STARD3NL: variants seen among roughly 807,000 people sequenced by gnomAD.
STARD3NL encodes STARD3 N-terminal-like protein.
A neutral mutation model predicts 30.9 loss-of-function variants in STARD3NL; 17 were observed. The ratio of observed to expected loss-of-function variants is 0.55; its 90% CI spans 0.38 to 0.82. STARD3NL has a LOEUF of 0.82. STARD3NL is among the 40% of genes least tolerant of loss of function. The pLI, the probability that STARD3NL is intolerant of heterozygous loss-of-function variation, is 0.00. For synonymous variants in STARD3NL, 112 were observed against 100.5 expected, an observed-to-expected ratio of 1.11 and a Z score of -0.69; for missense variants, 234 against 277.6, an observed-to-expected ratio of 0.84 and a Z score of 1.12.
At chr7:38,211,752 C>A (rs1395468859) in intron 2 of STARD3NL, among the ~76,000 whole-genome samples, 1 of 152,094 alleles carries the variant, frequency 6.6e-6, no homozygotes, top group Admixed American at 6.6e-5. Context: ...CATGTTTCCC[C>A]CAATGCATAC....
chr7:38,210,417 C>G (rs534454158), intron 2 of STARD3NL, among the ~76,000 whole-genome samples: 2 of 152,140 alleles, frequency 1.3e-5, no homozygotes, highest in Non-Finnish European at 2.9e-5. Context: ...TGACTTCCAC[C>G]TTAGCCACCT....
intron 1 of STARD3NL, among the ~76,000 whole-genome samples, chr7:38,205,312 G>A (rs1352250346): frequency 6.6e-6 from 1 of 152,122 alleles, no homozygotes; most frequent in Non-Finnish European, 1.5e-5. Context: ...TTCATCCCTG[G>A]GATGCAAGGC....
At chr7:38,211,457 G>T (rs781113798) in intron 2 of STARD3NL, among the ~76,000 whole-genome samples, 2 of 152,174 alleles carry the variant, frequency 1.3e-5, no homozygotes, top group African/African-American at 4.8e-5. Flanking sequence ...TGGGGAGTAC[G>T]TGCTCAAGTG....
intron 7 of STARD3NL, among the ~76,000 whole-genome samples, chr7:38,227,835 A>G (rs1226827063): frequency 6.6e-6 from 1 of 152,056 alleles, no homozygotes; most frequent in Non-Finnish European, 1.5e-5. Context: ...TGTGTGTTTA[A>G]TCTCACATCA....
chr7:38,192,605 CA>C (rs1330358380), intron 1 of STARD3NL, among the ~76,000 whole-genome samples: 8 of 151,980 alleles, frequency 5.3e-5, no homozygotes, highest in African/African-American at 1.9e-4. Flanking sequence ...AGAAGTAGGC[CA>C]GTGTTAGGTT....
intron 1 of STARD3NL, among the ~76,000 whole-genome samples, chr7:38,180,449 A>G (rs960257012): frequency 6.6e-6 from 1 of 152,232 alleles, no homozygotes; most frequent in Non-Finnish European, 1.5e-5. Context: ...AGGAAGCTGC[A>G]TTGGCAAGTG....
chr7:38,205,155 A>T (rs1785390235), intron 1 of STARD3NL, among the ~76,000 whole-genome samples: 1 of 152,224 alleles, frequency 6.6e-6, no homozygotes, highest in Admixed American at 6.5e-5. Flanking sequence ...CATCATCCTG[A>T]TACCAAAGCC....
intron 4 of STARD3NL, 149 bp from the exon 5 acceptor site, chr7:38,216,876 A>G: frequency 1.2e-6 from 1 of 828,184 alleles, no homozygotes; most frequent in Admixed American, 2.4e-5. Flanking sequence ...TAGGGGAGAG[A>G]GACTGAGTGA....
At chr7:38,189,143 G>T (rs1190847590) in intron 1 of STARD3NL, among the ~76,000 whole-genome samples, 1 of 149,900 alleles carries the variant, frequency 6.7e-6, no homozygotes, top group Non-Finnish European at 1.5e-5. Context: ...GTGTGTGTCT[G>T]GGAAAAGGGC....
intron 1 of STARD3NL, among the ~76,000 whole-genome samples, chr7:38,179,479 T>C (rs1784159524): frequency 6.6e-6 from 1 of 152,206 alleles, no homozygotes; most frequent in African/African-American, 2.4e-5. Flanking sequence ...AGAAATGAAA[T>C]GAAACAGCCT....
chr7:38,191,235 C>G (rs1397971171), intron 1 of STARD3NL, among the ~76,000 whole-genome samples: 1 of 152,070 alleles, frequency 6.6e-6, no homozygotes, highest in East Asian at 1.9e-4. Context: ...TTTTATGTGA[C>G]TTTTTTCTGT....
chr7:38,221,178 T>C (rs1433852103), intron 7 of STARD3NL, among the ~76,000 whole-genome samples: 1 of 152,178 alleles, frequency 6.6e-6, no homozygotes, highest in Non-Finnish European at 1.5e-5. Flanking sequence ...ATGGTTAAAG[T>C]GGTAAATTTT....
intron 7 of STARD3NL, among the ~76,000 whole-genome samples, chr7:38,227,486 C>T (rs1236172717): frequency 6.6e-6 from 1 of 152,154 alleles, no homozygotes; most frequent in Non-Finnish European, 1.5e-5. Flanking sequence ...GCATTCTTTC[C>T]CTATAACAAA....
At chr7:38,227,826 G>C (rs922139328) in intron 7 of STARD3NL, among the ~76,000 whole-genome samples, 1 of 152,070 alleles carries the variant, frequency 6.6e-6, no homozygotes, top group Non-Finnish European at 1.5e-5. Flanking sequence ...GTGTGTGTCT[G>C]TGTGTTTAAT....
chr7:38,179,832 G>C (rs1299242154), intron 1 of STARD3NL, among the ~76,000 whole-genome samples: 2 of 152,230 alleles, frequency 1.3e-5, no homozygotes, highest in Non-Finnish European at 2.9e-5. Context: ...CATTTTGGGT[G>C]ATAGCTGAAT....
intron 7 of STARD3NL, among the ~76,000 whole-genome samples, chr7:38,224,913 A>G (rs1786670699): frequency 6.6e-6 from 1 of 152,174 alleles, no homozygotes; most frequent in African/African-American, 2.4e-5. Context: ...AAGAAAAAAC[A>G]TAATACTGAT....
At chr7:38,217,390 G>T in intron 6 of STARD3NL, 85 bp downstream of exon 6, 1 of 1,270,022 alleles carries the variant, frequency 7.9e-7, no homozygotes, top group Non-Finnish European at 1.1e-6. Context: ...TGTGAATGGG[G>T]CTGCAAATGG....
chr7:38,202,267 CTGAG>C (rs1785217834), intron 1 of STARD3NL: 1 of 152,142 alleles, frequency 6.6e-6, no homozygotes. Flanking sequence ...TGGCTTCTTA[CTGAG>C]TTTTTCAAAA....
At chr7:38,201,001 C>T (rs576065348) in intron 1 of STARD3NL, among the ~76,000 whole-genome samples, 2 of 152,304 alleles carry the variant, frequency 1.3e-5, no homozygotes, top group East Asian at 3.9e-4. Context: ...AAAAGTTTCA[C>T]TCAAAAAATT....
Sources: gnomAD v4.1 joint callset for allele counts (sites outside exome capture counted in the v4.1 genomes callset) on GRCh38, gnomAD v4.1.1 for gene constraint, MANE v1.5 for transcripts, NCBI Gene and HGNC (gene_info 2026-07-23, HGNC 2026-07-21) for gene names.